PLPBP: variants seen among roughly 807,000 people sequenced by gnomAD.
PLPBP encodes the protein pyridoxal phosphate homeostasis protein.
In PLPBP, 21 loss-of-function variants were observed where a neutral mutation model predicts 31.2. The observed-to-expected ratio is 0.67, with a 90% CI of 0.48 to 0.97. PLPBP has a LOEUF of 0.97. Among genes scored for constraint, PLPBP ranks in the 50% least tolerant of loss-of-function variants. The pLI is 0.00. For missense variants in PLPBP, 308 were observed against 354.4 expected, an observed-to-expected ratio of 0.87 and a Z score of 1.05; for synonymous variants, 124 against 135.6, an observed-to-expected ratio of 0.91 and a Z score of 0.59.
chr8:37,775,837 G>T, intron 6 of PLPBP, 81 bp from the exon 7 acceptor site: 4 of 1,351,904 alleles, frequency 3.0e-6, no homozygotes, highest in South Asian at 1.2e-5. Flanking sequence ...CATAACCGTT[G>T]TCAGAGAAGT....
rs951210801 is a variant in PLPBP, at chr8:37,777,897, G to C, written c.697-76G>C. On this transcript the variant is annotated intron_variant, in intron 7 of 7. Transcript: ENST00000328195. ...ATAGAAGGCTCTTGAGAGCCAGAAT[G>C]GGGGCACAGCTTCAGCACTGGCTCC... 3.3e-6 allele frequency: 5 copies of C among 1,492,970 alleles called. No homozygotes were observed. The Admixed American group carries it at 8.9e-5, about 26-fold the overall frequency. The allele number at this position is 1,492,970 out of a possible 1,614,324, so 92.5% of individuals were successfully genotyped here.
At chr8:37,765,306 C>T (rs925438548) in intron 1 of PLPBP, among the ~76,000 whole-genome samples, 4 of 152,228 alleles carry the variant, frequency 2.6e-5, no homozygotes, top group African/African-American at 7.2e-5. Flanking sequence ...ATATTGACAT[C>T]GCTAACATTG....
intron 4 of PLPBP, among the ~76,000 whole-genome samples, chr8:37,771,895 G>C (rs1421945186): frequency 2.0e-5 from 3 of 152,138 alleles, no homozygotes; most frequent in Non-Finnish European, 2.9e-5. Context: ...AGGAGGCAGA[G>C]GTTGCAGTGA....
intron 6 of PLPBP, among the ~76,000 whole-genome samples, 160 bp from the exon 7 acceptor site, chr8:37,775,758 G>T (rs764910260): frequency 4.6e-5 from 7 of 152,194 alleles, no homozygotes; most frequent in Non-Finnish European, 1.0e-4. Flanking sequence ...CTCGAAAGTG[G>T]GATAGTTTGC....
rs192186844 is a variant in PLPBP at position 37,771,947 on chromosome 8, G to A, written c.320-808G>A. On this transcript the variant is annotated intron_variant, in intron 4 of 7. Coordinates refer to ENST00000328195, the MANE Select transcript of PLPBP (RefSeq NM_007198.4). ...TGCACTCTAGCCTGGGCGACAGAGC[G>A]AGACTCTGTCTCCAAAAGAAAACAA... Among the ~76,000 whole-genome samples, 5 of 152,248 alleles carry A rather than the reference G, an allele frequency of 3.3e-5. No homozygotes were observed. In the East Asian group the frequency reaches 5.8e-4, roughly 18 times the overall value.
intron 1 of PLPBP, among the ~76,000 whole-genome samples, chr8:37,763,696 T>C (rs1803544112): frequency 6.6e-6 from 1 of 152,148 alleles, no homozygotes; most frequent in Admixed American, 6.5e-5. Context: ...GGCTGCCTGT[T>C]CGGGTAACTC....
At chr8:37,777,943 G>A in intron 7 of PLPBP, 30 bp from the exon 8 acceptor site, 1 of 1,596,934 alleles carries the variant, frequency 6.3e-7, no homozygotes, top group Non-Finnish European at 8.6e-7. Context: ...TTTAAACCTG[G>A]TCCTCGATAC....
chr8:37,768,956 T>C, intron 4 of PLPBP, among the ~76,000 whole-genome samples: 1 of 152,312 alleles, frequency 6.6e-6, no homozygotes, highest in South Asian at 2.1e-4. Context: ...AAATAAAAGC[T>C]ATAAAAGTAT....
rs377558374 is a variant in PLPBP, at chr8:37,766,386, T to A, written c.319+31T>A. The A allele has an allele frequency of 2.1e-5, 33 of 1,579,448 alleles. No individual in the cohort carries two copies. The East Asian group carries it at 7.0e-4, about 34-fold the overall frequency. ...ATAAAATTAAATATGAAAACAAAAT[T>A]GTTCTGTCATTGTATTGCTTCTACT... On this transcript the variant is annotated intron_variant, in intron 4 of 7. Transcript: ENST00000328195.
At chr8:37,776,893 A>G (rs1803927754) in intron 7 of PLPBP, among the ~76,000 whole-genome samples, 2 of 152,120 alleles carry the variant, frequency 1.3e-5, no homozygotes, top group Non-Finnish European at 2.9e-5. Context: ...CAGCCTCCCA[A>G]GTAGCTGGGA....
At position 37,765,547 on chromosome 8, in the gene PLPBP, C is replaced by T. The variant is rs376835563; in HGVS notation, c.121C>T (p.Arg41Trp). 5.6e-6 allele frequency: 9 copies of T among 1,613,820 alleles called. No homozygotes were observed. Among genetic ancestry groups the T allele is most frequent in the African/African-American group, 2.7e-5 (2 of 74,932 alleles). Residue 41 changes from arginine (R) to tryptophan (W), a missense_variant, in exon 2 of 8, where the codon CGG (arginine) becomes TGG (tryptophan). By Grantham distance (101) the Arg-to-Trp change is moderately radical. Around this residue, in one of 2 missense-constraint regions of PLPBP, gnomAD observed 120 missense variants for 95.1 expected, o/e 1.26. Coordinates refer to ENST00000328195, the MANE Select transcript of PLPBP (RefSeq NM_007198.4). ...GCAGGATCTCCCAGCCATCCAGCCC[C>T]GGCTAGTGGCGGTCAGCAAAACCAA... ...RPRDLPAIQP[R>W]LVAVSKTKPA...
chr8:37,776,495 A>AAAAAAT, intron 7 of PLPBP, among the ~76,000 whole-genome samples: 1 of 150,488 alleles, frequency 6.6e-6, no homozygotes, highest in African/African-American at 2.4e-5. Context: ...AAAAAAAAAA[A>AAAAAAT]AAAAAAAACA....
At chr8:37,773,649 A>G (rs1213019127) in intron 5 of PLPBP, among the ~76,000 whole-genome samples, 1 of 151,460 alleles carries the variant, frequency 6.6e-6, no homozygotes, top group African/African-American at 2.4e-5. Context: ...TTGTATTTTT[A>G]GTAGAGACGG....
chr8:37,770,461 C>G (rs896444231), intron 4 of PLPBP, among the ~76,000 whole-genome samples: 2 of 152,192 alleles, frequency 1.3e-5, no homozygotes, highest in Non-Finnish European at 2.9e-5. Context: ...TATCTCTCAC[C>G]ATGTACAAAA....
intron 6 of PLPBP, 23 bp from the exon 7 acceptor site, chr8:37,775,894 AT>A (rs748486161): frequency 2.5e-5 from 40 of 1,578,578 alleles, no homozygotes; most frequent in Non-Finnish European, 3.3e-5. Context: ...CAGGAGTAAA[AT>A]AGGTGTCATC....
intron 1 of PLPBP, among the ~76,000 whole-genome samples, chr8:37,764,614 G>T (rs1372861530): frequency 6.6e-6 from 1 of 152,086 alleles, no homozygotes; most frequent in Non-Finnish European, 1.5e-5. Flanking sequence ...TGGCTCACCT[G>T]GCCATGCCAC....
intron 4 of PLPBP, among the ~76,000 whole-genome samples, chr8:37,768,639 A>T (rs1803698614): frequency 6.6e-6 from 1 of 151,508 alleles, no homozygotes. Context: ...CGCCCAGCTA[A>T]TGTTTTTGTA....
rs201540375 is a variant in PLPBP at position 37,772,873 on chromosome 8, C to T, written c.438C>T (p.Asn146=). ...PERLKVMVQI[N]TSGEESKHGL... ...GGTTAAAGGTTATGGTCCAGATTAA[C>T]ACCAGCGGAGAAGAGAGTAAGTAAC... The change falls in exon 5 of 8, where the codon AAC becomes AAT. Residue 146 remains asparagine (N), a synonymous_variant. Coordinates refer to ENST00000328195, the MANE Select transcript of PLPBP (RefSeq NM_007198.4). 4.3e-6 allele frequency: 7 copies of T among 1,614,198 alleles called. No individual in the cohort carries two copies. The Admixed American group carries it at 1.2e-4, about 27-fold the overall frequency.
At chr8:37,773,303 G>C (rs1027599508) in intron 5 of PLPBP, among the ~76,000 whole-genome samples, 1 of 151,584 alleles carries the variant, frequency 6.6e-6, no homozygotes, top group Admixed American at 6.6e-5. Flanking sequence ...AAGTAGCTGG[G>C]ACTACAGGCG....
Sources: allele counts gnomAD v4.1 joint callset (sites outside exome capture counted in the v4.1 genomes callset), GRCh38; gene constraint gnomAD v4.1.1; regional missense constraint gnomAD v4.1.1; transcripts MANE v1.5; gene names NCBI Gene and HGNC (gene_info 2026-07-23, HGNC 2026-07-21).